The following THSD7B variants were observed in gnomAD, a reference collection of about 807,000 sequenced individuals.
THSD7B encodes thrombospondin type 1 domain containing 7B.
A neutral mutation model predicts 213.6 loss-of-function variants in THSD7B; 138 were observed. That is an observed-to-expected ratio of 0.65 (90% CI 0.56 to 0.74). The LOEUF (loss-of-function observed/expected upper bound fraction) is 0.74. Ranked by LOEUF, THSD7B falls within the 30% of genes least tolerant of loss-of-function variation. The pLI, the probability that THSD7B is intolerant of heterozygous loss-of-function variation, is 0.00. For synonymous variants in THSD7B, 742 were observed against 687.0 expected (o/e 1.08, Z -1.25); for missense variants, 1,931 against 1,991.5 (o/e 0.97, Z 0.58).
At chr2:137,521,018 G>A (rs193116187) in intron 15 of THSD7B, among the ~76,000 whole-genome samples, 15 of 152,282 alleles carry the variant, frequency 9.9e-5, no homozygotes, top group Admixed American at 4.6e-4. Flanking sequence ...CTGACCTGAG[G>A]TGGGGTTGGG....
chr2:137,627,621 A>G (rs955798895), intron 20 of THSD7B, among the ~76,000 whole-genome samples: 2 of 152,242 alleles, frequency 1.3e-5, no homozygotes, highest in South Asian at 2.1e-4. Flanking sequence ...ATGACTCACA[A>G]TTAAAAAGGT....
chr2:136,887,469 G>A (rs1199457581), intron 2 of THSD7B, among the ~76,000 whole-genome samples: 1 of 152,124 alleles, frequency 6.6e-6, no homozygotes, highest in East Asian at 1.9e-4. Flanking sequence ...TTTGGATCAT[G>A]AGGGGGGATC....
At chr2:137,665,184 C>G (rs959973424) in intron 26 of THSD7B, among the ~76,000 whole-genome samples, 4 of 152,160 alleles carry the variant, frequency 2.6e-5, no homozygotes, top group African/African-American at 9.7e-5. Context: ...TTGAAGGAAG[C>G]ATGATATTAA....
intron 10 of THSD7B, among the ~76,000 whole-genome samples, chr2:137,246,791 A>C (rs1470360463): frequency 6.7e-6 from 1 of 150,200 alleles, no homozygotes; most frequent in Non-Finnish European, 1.5e-5. Context: ...GTTTTCTTCT[A>C]TTCTTTTTTC....
intron 15 of THSD7B, among the ~76,000 whole-genome samples, chr2:137,551,396 T>A (rs1323150418): frequency 6.6e-6 from 1 of 152,138 alleles, no homozygotes; most frequent in East Asian, 1.9e-4. Context: ...ATCACAATGG[T>A]GCCTACATTC....
chr2:137,027,192 T>C (rs1217210359), intron 2 of THSD7B, among the ~76,000 whole-genome samples: 10 of 152,218 alleles, frequency 6.6e-5, no homozygotes, highest in African/African-American at 2.2e-4. Flanking sequence ...TTTTTAAGTA[T>C]AGTGCTAGCT....
intron 1 of THSD7B, among the ~76,000 whole-genome samples, chr2:136,804,609 G>C (rs1040419940): frequency 3.3e-5 from 5 of 152,126 alleles, no homozygotes; most frequent in Middle Eastern, 3.2e-3. Context: ...TAGTCAGCTG[G>C]AGTGTTTGGA....
intron 15 of THSD7B, among the ~76,000 whole-genome samples, chr2:137,516,350 G>T (rs1680068002): frequency 6.6e-6 from 1 of 152,146 alleles, no homozygotes; most frequent in Non-Finnish European, 1.5e-5. Flanking sequence ...TACATATCCA[G>T]AACTACTTGA....
chr2:137,538,157 A>T (rs79845566), intron 15 of THSD7B, among the ~76,000 whole-genome samples: 2,317 of 151,710 alleles, frequency 0.015, 28 homozygotes, highest in Non-Finnish European at 0.023. Context: ...AGCTTCAGAG[A>T]TTTATTTCAT....
At chr2:136,863,325 T>C (rs190687160) in intron 1 of THSD7B, among the ~76,000 whole-genome samples, 1 of 152,360 alleles carries the variant, frequency 6.6e-6, no homozygotes, top group African/African-American at 2.4e-5. Context: ...TATTTGATGT[T>C]GGCAAGTTTT....
At chr2:137,447,726 G>T (rs1214572327) in intron 14 of THSD7B, among the ~76,000 whole-genome samples, 2 of 151,232 alleles carry the variant, frequency 1.3e-5, no homozygotes, top group African/African-American at 4.9e-5. Flanking sequence ...AGTATTAGGG[G>T]AATTTAAATT....
intron 3 of THSD7B, among the ~76,000 whole-genome samples, chr2:137,068,829 T>C (rs1687425875): frequency 6.6e-6 from 1 of 152,050 alleles, no homozygotes; most frequent in Non-Finnish European, 1.5e-5. Flanking sequence ...CTACTGTTGG[T>C]TATTATGTCA....
chr2:137,202,496 G>A lies in THSD7B; in HGVS notation c.1724-28548G>A, dbSNP rs111404005. The stretch of plus-strand genomic sequence containing the variant: ...GGTTTAACCACAAGCCGGGGGCATC[G>A]ACTGCCACAGAGCAGTTACAGAACA... On this transcript the variant is annotated intron_variant, in intron 7 of 27. Coordinates refer to ENST00000409968, the MANE Select transcript of THSD7B (RefSeq NM_001316349.2). Among the ~76,000 whole-genome samples the A allele has an allele frequency of 3.5e-4, 53 of 152,270 alleles. No homozygotes were observed. The South Asian group carries it at 4.8e-3, about 14-fold the overall frequency.
intron 17 of THSD7B, among the ~76,000 whole-genome samples, chr2:137,598,639 T>A (rs182946073): frequency 6.6e-6 from 1 of 152,344 alleles, no homozygotes; most frequent in Admixed American, 6.5e-5. Context: ...ATAATGTAAA[T>A]GTGCATCCCT....
At chr2:137,266,212 A>T (rs1046011909) in intron 10 of THSD7B, among the ~76,000 whole-genome samples, 1 of 152,230 alleles carries the variant, frequency 6.6e-6, no homozygotes, top group African/African-American at 2.4e-5. Context: ...TACATGCAGT[A>T]TCTCATGTAA....
In THSD7B at chr2:136,982,235, T is replaced by G. The variant is rs944261731; in HGVS notation, c.140-74185T>G. Among the ~76,000 whole-genome samples, 4 of 152,224 alleles carry G rather than the reference T, an allele frequency of 2.6e-5. No individual in the cohort carries two copies. In the South Asian group the frequency reaches 8.3e-4, roughly 32 times the overall value. On this transcript the variant is annotated intron_variant, in intron 2 of 27. Coordinates refer to ENST00000409968, the MANE Select transcript of THSD7B (RefSeq NM_001316349.2). ...AGATATTCTTAAACCTTCTGATCCT[T>G]GGTTTCTCTCTCCAAAATACTCTTT...
At chr2:137,393,996 T>G (rs1309509128) in intron 12 of THSD7B, among the ~76,000 whole-genome samples, 4 of 135,744 alleles carry the variant, frequency 2.9e-5, no homozygotes, top group Non-Finnish European at 4.9e-5. Flanking sequence ...TCACCCACTT[T>G]TTGATGGGGT....
chr2:136,832,941 T>C (rs4954442), intron 1 of THSD7B, among the ~76,000 whole-genome samples: 23,854 of 152,168 alleles, frequency 0.16, 2,523 homozygotes, highest in East Asian at 0.39. Flanking sequence ...CCTGAGAATA[T>C]TGGTAGCTAG....
intron 15 of THSD7B, among the ~76,000 whole-genome samples, chr2:137,544,784 A>G (rs982918971): frequency 1.3e-5 from 2 of 151,790 alleles, no homozygotes; most frequent in Admixed American, 1.3e-4. Context: ...AGGGCACTTT[A>G]TATGTCTCAG....
Sources: gnomAD v4.1 joint callset for allele counts (sites outside exome capture counted in the v4.1 genomes callset) on GRCh38, gnomAD v4.1.1 for gene constraint, MANE v1.5 for transcripts, NCBI Gene and HGNC (gene_info 2026-07-23, HGNC 2026-07-21) for gene names.